Variants in ZNF704 observed in about 807,000 individuals in gnomAD.
ZNF704 encodes the protein glucocorticoid induced gene 1.
A neutral mutation model predicts 44.7 loss-of-function variants in ZNF704; 10 were observed. The observed-to-expected ratio is 0.22, with a 90% CI of 0.14 to 0.38. The LOEUF (loss-of-function observed/expected upper bound fraction) is 0.38. ZNF704 is among the 10% of genes least tolerant of loss of function. ZNF704 has a pLI of 1.00. For synonymous variants in ZNF704, 211 were observed against 207.6 expected (o/e 1.02, Z -0.14); for missense variants, 390 against 545.5 (o/e 0.71, Z 2.84).
chr8:80,642,787 A>T (rs936564890), intron 8 of ZNF704, among the ~76,000 whole-genome samples: 4 of 152,228 alleles, frequency 2.6e-5, no homozygotes, highest in African/African-American at 9.6e-5. Context: ...AATAATCACC[A>T]TTACCTATTC....
At chr8:80,772,319 T>G (rs1226947455) in intron 2 of ZNF704, among the ~76,000 whole-genome samples, 1 of 152,122 alleles carries the variant, frequency 6.6e-6, no homozygotes, top group Non-Finnish European at 1.5e-5. Context: ...AGAACGAAAT[T>G]GTATTAGATT....
In ZNF704 at chr8:80,796,204, T is replaced by C. The variant is rs570929548; in HGVS notation, c.221+25170A>G. 2.6e-5 allele frequency among the ~76,000 whole-genome samples: 4 copies of C among 152,346 alleles called. No individual in the cohort carries two copies. In the South Asian group the frequency reaches 6.2e-4, roughly 24 times the overall value. On this transcript the variant is annotated intron_variant, in intron 2 of 8. Coordinates refer to ENST00000327835, the MANE Select transcript of ZNF704 (RefSeq NM_001033723.3). ...AAGTCTAAGGTTGAAGAGCCACATC[T>C]GGTGACAGCCTTATTGCTGGTGGGA...
chr8:80,639,035 G>C lies in ZNF704; in HGVS notation c.*2331C>G, dbSNP rs183344980. 1.3e-5 allele frequency: 2 copies of C among 152,674 alleles called. No homozygotes were observed. Among genetic ancestry groups the C allele is most frequent in the Non-Finnish European group, 1.5e-5 (1 of 68,342 alleles). The allele number at this position is 152,674 out of a possible 1,614,324, so 9.5% of individuals were successfully genotyped here. ...GTATATATCTGGGGGTGGAAGCCACGGGGCTTTGCTCCAGGACTGCTCCAT... is the reference window on the plus strand; with the variant it reads ...GTATATATCTGGGGGTGGAAGCCACCGGGCTTTGCTCCAGGACTGCTCCAT... On this transcript the variant is annotated 3_prime_UTR_variant, in exon 9 of 9. Transcript: ENST00000327835.
intron 1 of ZNF704, among the ~76,000 whole-genome samples, chr8:80,833,354 A>T (rs111274792): frequency 8.5e-5 from 13 of 152,354 alleles, no homozygotes; most frequent in African/African-American, 2.6e-4. Flanking sequence ...GTCTCAAAAA[A>T]AAGAGAAAAA....
intron 2 of ZNF704, among the ~76,000 whole-genome samples, chr8:80,810,478 T>A (rs7836677): frequency 0.059 from 8,923 of 150,810 alleles, 287 homozygotes; most frequent in Middle Eastern, 0.15. Context: ...AGCTTTTTTT[T>A]AACAATATTA....
rs76680517 is a variant in ZNF704, at chr8:80,749,226, T to A, written c.222-56119A>T. On this transcript the variant is annotated intron_variant, in intron 2 of 8. Coordinates refer to ENST00000327835, the MANE Select transcript of ZNF704 (RefSeq NM_001033723.3). Reference sequence around the variant, plus strand: ...GGTCTCACTATGTTGACCAGGTTGGTCTTGAATTCCTGACCTCAAGAGATA... The same window carrying A: ...GGTCTCACTATGTTGACCAGGTTGGACTTGAATTCCTGACCTCAAGAGATA... 4.1e-4 allele frequency among the ~76,000 whole-genome samples: 63 copies of A among 152,288 alleles called. No homozygotes were observed. In the East Asian group the frequency reaches 9.7e-3, roughly 23 times the overall value.
intron 1 of ZNF704, among the ~76,000 whole-genome samples, chr8:80,865,094 G>T (rs1809132147): frequency 6.6e-6 from 1 of 152,176 alleles, no homozygotes; most frequent in Non-Finnish European, 1.5e-5. Flanking sequence ...TCTCTGAAAT[G>T]CCTTGGTAGC....
intron 1 of ZNF704, among the ~76,000 whole-genome samples, chr8:80,868,398 A>G (rs1287250346): frequency 6.6e-6 from 1 of 152,196 alleles, no homozygotes; most frequent in Non-Finnish European, 1.5e-5. Flanking sequence ...AGTAGCATCT[A>G]TCTCTGTTTC....
At chr8:80,746,422 T>C (rs1325872999) in intron 2 of ZNF704, among the ~76,000 whole-genome samples, 2 of 152,210 alleles carry the variant, frequency 1.3e-5, no homozygotes, top group Non-Finnish European at 2.9e-5. Flanking sequence ...TTTTCGGACC[T>C]ACTCTGTGCA....
intron 2 of ZNF704, among the ~76,000 whole-genome samples, chr8:80,805,497 A>C (rs765601411): frequency 6.6e-6 from 1 of 152,208 alleles, no homozygotes; most frequent in Non-Finnish European, 1.5e-5. Flanking sequence ...ACTTGGGAAT[A>C]ATTTCACTTA....
intron 1 of ZNF704, among the ~76,000 whole-genome samples, chr8:80,868,745 T>C (rs1331202911): frequency 2.0e-5 from 3 of 152,344 alleles, no homozygotes; most frequent in South Asian, 2.1e-4. Flanking sequence ...CATTCTTTTA[T>C]TGATTTTTTT....
intron 2 of ZNF704, among the ~76,000 whole-genome samples, chr8:80,790,322 C>T (rs1807682768): frequency 6.6e-6 from 1 of 151,940 alleles, no homozygotes; most frequent in African/African-American, 2.4e-5. Flanking sequence ...TGAACTGGAC[C>T]TTGGTTATGG....
At chr8:80,716,753 G>T (rs1819078492) in intron 2 of ZNF704, among the ~76,000 whole-genome samples, 1 of 152,192 alleles carries the variant, frequency 6.6e-6, no homozygotes, top group Non-Finnish European at 1.5e-5. Context: ...TTGCACGTCT[G>T]TTCCTAAAAT....
At chr8:80,676,038 A>C (rs546784482) in intron 4 of ZNF704, among the ~76,000 whole-genome samples, 1 of 152,220 alleles carries the variant, frequency 6.6e-6, no homozygotes, top group Non-Finnish European at 1.5e-5. Flanking sequence ...AAATAGAAGA[A>C]AGTGTCTTAG....
intron 1 of ZNF704, among the ~76,000 whole-genome samples, chr8:80,870,734 C>A (rs551087726): frequency 1.3e-5 from 2 of 152,206 alleles, no homozygotes; most frequent in South Asian, 4.2e-4. Flanking sequence ...TCTCTTGGCC[C>A]CCTGCACTCC....
chr8:80,846,189 T>C (rs2129982118), intron 1 of ZNF704, among the ~76,000 whole-genome samples: 1 of 152,310 alleles, frequency 6.6e-6, no homozygotes, highest in South Asian at 2.1e-4. Flanking sequence ...ATCACTGATG[T>C]ATTCAATTCA....
At chr8:80,878,253 A>AAAGGAAGG (rs746307538), upstream of ZNF704, among the ~76,000 whole-genome samples, 3,298 of 140,084 alleles carry the variant, frequency 0.024, 59 homozygotes, top group Middle Eastern at 0.04. Flanking sequence ...AAAGAGAAAG[A>AAAGGAAGG]AAGGAAGGAA....
At chr8:80,747,210 T>C (rs1806861948) in intron 2 of ZNF704, among the ~76,000 whole-genome samples, 1 of 152,140 alleles carries the variant, frequency 6.6e-6, no homozygotes. Context: ...GTCTGCGGTG[T>C]AGCTCTGTGG....
intron 1 of ZNF704, among the ~76,000 whole-genome samples, chr8:80,841,692 T>A (rs1206572390): frequency 1.3e-5 from 2 of 152,236 alleles, no homozygotes; most frequent in Non-Finnish European, 2.9e-5. Context: ...CCCTCTGGCA[T>A]GAACTCAAGG....
Sources: gnomAD v4.1 joint callset for allele counts (sites outside exome capture counted in the v4.1 genomes callset) on GRCh38, gnomAD v4.1.1 for gene constraint, MANE v1.5 for transcripts, NCBI Gene and HGNC (gene_info 2026-07-23, HGNC 2026-07-21) for gene names.